Variants in TAFA1 observed in about 807,000 individuals in gnomAD.
The protein encoded by TAFA1 is chemokine-like protein TAFA-1.
A neutral mutation model predicts 18.5 loss-of-function variants in TAFA1; 4 were observed. The observed-to-expected ratio is 0.22, with a 90% CI of 0.11 to 0.49. The LOEUF (loss-of-function observed/expected upper bound fraction) is 0.49. TAFA1 is among the 20% of genes least tolerant of loss of function. The probability of loss-of-function intolerance (pLI) is 0.98; values close to 1 mark genes in which losing one functional copy is unlikely to be tolerated. For missense variants in TAFA1, 147 were observed against 169.0 expected (o/e 0.87, Z 0.72); for synonymous variants, 56 against 55.2 (o/e 1.01, Z -0.06).
At chr3:68,286,266 T>A (rs567119038) in intron 2 of TAFA1, among the ~76,000 whole-genome samples, 26 of 152,066 alleles carry the variant, frequency 1.7e-4, no homozygotes, top group African/African-American at 4.3e-4. Context: ...TTAAAAATAT[T>A]TTTTTAAAAA....
intron 2 of TAFA1, among the ~76,000 whole-genome samples, chr3:68,168,144 C>CAAAAAA (rs10662237): frequency 0.051 from 5,914 of 116,242 alleles, 302 homozygotes; most frequent in African/African-American, 0.13. Context: ...TTTTCAGATA[C>CAAAAAA]AAAAAAAAAA....
intron 2 of TAFA1, among the ~76,000 whole-genome samples, chr3:68,204,846 T>C (rs183939119): frequency 7.9e-5 from 12 of 151,998 alleles, no homozygotes; most frequent in Admixed American, 6.6e-4. Flanking sequence ...ATAACAAAGA[T>C]ATACAGTTAC....
chr3:68,536,624 A>T (rs1511905), intron 3 of TAFA1, among the ~76,000 whole-genome samples: 95,635 of 151,674 alleles, frequency 0.63, 32,098 homozygotes, highest in South Asian at 0.85. Flanking sequence ...GTGCTTGTGT[A>T]GAAATCATTT....
chr3:68,508,018 T>C (rs997368170), intron 3 of TAFA1, among the ~76,000 whole-genome samples: 3 of 152,092 alleles, frequency 2.0e-5, no homozygotes, highest in Non-Finnish European at 4.4e-5. Flanking sequence ...ACACAGGAAT[T>C]ATTTTGTCAC....
chr3:68,204,706 G>C (rs1168622092), intron 2 of TAFA1, among the ~76,000 whole-genome samples: 1 of 151,776 alleles, frequency 6.6e-6, no homozygotes, highest in Admixed American at 6.6e-5. Context: ...TATCTAACAG[G>C]CTTCCCATAT....
chr3:68,243,041 T>A (rs1393579620), intron 2 of TAFA1, among the ~76,000 whole-genome samples: 25 of 152,262 alleles, frequency 1.6e-4, no homozygotes, highest in Admixed American at 6.5e-5. Context: ...GGATCATATA[T>A]CTTAATCATA....
chr3:68,350,903 CTGACTT>C (rs2106774086), intron 2 of TAFA1, among the ~76,000 whole-genome samples: 2 of 152,202 alleles, frequency 1.3e-5, no homozygotes, highest in Admixed American at 1.3e-4. Flanking sequence ...AGCTGGGAAA[CTGACTT>C]TGAAATTCCA....
chr3:68,121,129 T>C (rs549358161), intron 2 of TAFA1, among the ~76,000 whole-genome samples: 1 of 152,318 alleles, frequency 6.6e-6, no homozygotes, highest in East Asian at 1.9e-4. Flanking sequence ...AGGAAAAGTA[T>C]ATTTTATTTC....
At chr3:68,164,307 T>A (rs1245818893) in intron 2 of TAFA1, among the ~76,000 whole-genome samples, 1 of 152,196 alleles carries the variant, frequency 6.6e-6, no homozygotes, top group South Asian at 2.1e-4. Context: ...TTAATGTACA[T>A]GAACTATTGT....
At chr3:68,279,383 C>T (rs1016836313) in intron 2 of TAFA1, among the ~76,000 whole-genome samples, 4 of 152,058 alleles carry the variant, frequency 2.6e-5, no homozygotes, top group Non-Finnish European at 5.9e-5. Context: ...CACAGGTGTT[C>T]ATTCTTGGAT....
intron 2 of TAFA1, among the ~76,000 whole-genome samples, chr3:68,370,496 A>ACT: frequency 1.1e-5 from 1 of 89,888 alleles, no homozygotes; most frequent in South Asian, 3.9e-4. Flanking sequence ...ATATATATAT[A>ACT]TATATATATA....
At chr3:68,437,671 C>A (rs1183276634) in intron 3 of TAFA1, among the ~76,000 whole-genome samples, 3 of 152,058 alleles carry the variant, frequency 2.0e-5, no homozygotes, top group Non-Finnish European at 4.4e-5. Flanking sequence ...GAAATGAATT[C>A]ATTGATAAGG....
intron 2 of TAFA1, among the ~76,000 whole-genome samples, chr3:68,274,273 A>G (rs7628995): frequency 0.42 from 64,105 of 152,002 alleles, 14,282 homozygotes; most frequent in East Asian, 0.73. Flanking sequence ...ATGAAGAAGG[A>G]CAAAAGATTA....
chr3:68,109,297 G>A (rs768867124), intron 2 of TAFA1, among the ~76,000 whole-genome samples: 57 of 152,226 alleles, frequency 3.7e-4, no homozygotes, highest in Admixed American at 2.9e-3. Context: ...TGATTTATGT[G>A]TAAGATCCAG....
At chr3:68,164,047 T>A (rs934775202) in intron 2 of TAFA1, among the ~76,000 whole-genome samples, 2 of 152,350 alleles carry the variant, frequency 1.3e-5, no homozygotes, top group East Asian at 3.9e-4. Context: ...GGCAAAATGC[T>A]TTAGCTTGGA....
chr3:68,485,297 A>G (rs1485581871), intron 3 of TAFA1, among the ~76,000 whole-genome samples: 2 of 152,206 alleles, frequency 1.3e-5, no homozygotes, highest in Non-Finnish European at 2.9e-5. Flanking sequence ...TTTGTTTTCA[A>G]AACAACCCAC....
intron 2 of TAFA1, among the ~76,000 whole-genome samples, chr3:68,260,358 T>C (rs1303284975): frequency 3.9e-5 from 6 of 152,116 alleles, no homozygotes; most frequent in African/African-American, 1.4e-4. Context: ...TATTGAGGAT[T>C]TTTGCATCAA....
At chr3:68,003,648 A>T (rs1322643988), upstream of TAFA1, among the ~76,000 whole-genome samples, 6 of 151,060 alleles carry the variant, frequency 4.0e-5, no homozygotes, top group African/African-American at 1.5e-4. Context: ...AAGAGGAAGA[A>T]GATGTTGAAC....
chr3:68,398,285 A>T (rs2070423132), intron 2 of TAFA1, among the ~76,000 whole-genome samples: 1 of 152,174 alleles, frequency 6.6e-6, no homozygotes, highest in Non-Finnish European at 1.5e-5. Flanking sequence ...CAACTATCTG[A>T]TCTTCCACAA....
Sources: allele counts gnomAD v4.1 joint callset (sites outside exome capture counted in the v4.1 genomes callset), GRCh38; gene constraint gnomAD v4.1.1; transcripts MANE v1.5; gene names NCBI Gene and HGNC (gene_info 2026-07-23, HGNC 2026-07-21).